Variants in GNB4 observed in about 807,000 individuals in gnomAD.
GNB4 encodes guanine nucleotide-binding protein subunit beta-4.
A neutral mutation model predicts 45.2 loss-of-function variants in GNB4; 28 were observed. The ratio of observed to expected loss-of-function variants is 0.62; its 90% CI spans 0.46 to 0.85. GNB4 has a LOEUF of 0.85. Ranked by LOEUF, GNB4 falls within the 40% of genes least tolerant of loss-of-function variation. The probability of loss-of-function intolerance (pLI) is 0.00; values close to 1 mark genes in which losing one functional copy is unlikely to be tolerated. For synonymous variants in GNB4, 132 were observed against 143.7 expected (o/e 0.92, Z 0.58); for missense variants, 321 against 425.4 (o/e 0.75, Z 2.16).
At chr3:179,459,425 G>A in the GNB4 span, among the ~76,000 whole-genome samples, 1 of 152,122 alleles carries the variant, frequency 6.6e-6, no homozygotes, top group South Asian at 2.1e-4. Flanking sequence ...CCTCACGCCT[G>A]TAATCCCAGC....
At chr3:179,519,623 G>A in the GNB4 span, among the ~76,000 whole-genome samples, 79 of 152,186 alleles carry the variant, frequency 5.2e-4, no homozygotes, top group African/African-American at 1.4e-3. Flanking sequence ...TTATTAGGCC[G>A]AGACATTTTA....
At chr3:179,426,096 T>C (rs367960056) in intron 2 of GNB4, 48 bp downstream of exon 2, 1 of 1,462,238 alleles carries the variant, frequency 6.8e-7, no homozygotes, top group East Asian at 2.3e-5. Context: ...ATTTTGTAGA[T>C]TCCTGGTACT....
At chr3:179,480,290 C>A in the GNB4 span, among the ~76,000 whole-genome samples, 1 of 152,126 alleles carries the variant, frequency 6.6e-6, no homozygotes, top group East Asian at 1.9e-4. Context: ...AGACAGCAAC[C>A]CTTTATTTTA....
intron 1 of GNB4, among the ~76,000 whole-genome samples, chr3:179,433,441 T>C (rs780551695): frequency 3.3e-5 from 5 of 151,980 alleles, no homozygotes; most frequent in Non-Finnish European, 5.9e-5. Context: ...AGATCAACTA[T>C]AAGAGCTAGC....
At chr3:179,523,251 G>A in the GNB4 span, among the ~76,000 whole-genome samples, 4 of 152,084 alleles carry the variant, frequency 2.6e-5, no homozygotes, top group African/African-American at 9.7e-5. Flanking sequence ...AAGAAATTTG[G>A]GCTTGATTGA....
chr3:179,409,785 C>T (rs1258012194), intron 8 of GNB4, among the ~76,000 whole-genome samples: 8 of 147,114 alleles, frequency 5.4e-5, no homozygotes, highest in African/African-American at 1.5e-4. Flanking sequence ...ACTCCAGCCT[C>T]GCAACAGAGC....
chr3:179,422,716 T>A (rs1715027358), intron 2 of GNB4, among the ~76,000 whole-genome samples: 2 of 152,238 alleles, frequency 1.3e-5, no homozygotes, highest in Admixed American at 1.3e-4. Flanking sequence ...ATAGCATACA[T>A]TTCTATTATA....
the GNB4 span, among the ~76,000 whole-genome samples, chr3:179,498,067 G>T: frequency 1.3e-5 from 2 of 152,112 alleles, no homozygotes; most frequent in Non-Finnish European, 2.9e-5. Flanking sequence ...AATAAAATCA[G>T]TATCTCAAAA....
At chr3:179,501,367 C>G in the GNB4 span, among the ~76,000 whole-genome samples, 1 of 150,314 alleles carries the variant, frequency 6.7e-6, no homozygotes, top group Non-Finnish European at 1.5e-5. Context: ...GGTGCTATCT[C>G]AGCTCACAGC....
In GNB4 at chr3:179,401,183, A is replaced by G; in HGVS notation, c.*30T>C. On this transcript the variant is annotated 3_prime_UTR_variant, in exon 10 of 10. Transcript: ENST00000232564. ...CTGTAGCATTGATTTCTCCAGATAT[A>G]TCAATGGAGAACAAATATGTATGAC... 1 of 1,484,916 alleles carries G rather than the reference A, an allele frequency of 6.7e-7. No homozygotes were observed. The highest frequency in any genetic ancestry group is 1.4e-5 in the African/African-American group (1 of 72,186). 92.0% of individuals were successfully genotyped at this position (1,484,916 alleles called of 1,614,324 possible).
intron 1 of GNB4, among the ~76,000 whole-genome samples, chr3:179,447,256 G>A (rs1216004347): frequency 1.3e-5 from 2 of 151,006 alleles, no homozygotes; most frequent in African/African-American, 2.4e-5. Flanking sequence ...TGACGATGGC[G>A]AGGCTGGAAG....
At chr3:179,425,591 C>T (rs962895590) in intron 2 of GNB4, among the ~76,000 whole-genome samples, 1 of 152,148 alleles carries the variant, frequency 6.6e-6, no homozygotes, top group African/African-American at 2.4e-5. Context: ...CTGCCTCAGC[C>T]TCCCAAGTAG....
intron 9 of GNB4, 98 bp from the exon 10 acceptor site, chr3:179,401,417 C>T (rs1213857710): frequency 9.4e-6 from 5 of 533,228 alleles, no homozygotes; most frequent in Non-Finnish European, 1.3e-5. Flanking sequence ...ACTATCAGTC[C>T]AGTTTTCTTG....
At chr3:179,471,562 C>T in the GNB4 span, among the ~76,000 whole-genome samples, 4 of 152,166 alleles carry the variant, frequency 2.6e-5, no homozygotes, top group African/African-American at 9.7e-5. Flanking sequence ...ACCTTACAGC[C>T]TAGGTTGTAC....
the GNB4 span, among the ~76,000 whole-genome samples, chr3:179,488,198 G>C: frequency 1.3e-5 from 2 of 152,188 alleles, no homozygotes; most frequent in Non-Finnish European, 1.5e-5. Context: ...ACCATGGACT[G>C]GTTCTGATAA....
At chr3:179,470,510 GAAAGAAAAAAATATATATATATT>G in the GNB4 span, among the ~76,000 whole-genome samples, 62 of 148,374 alleles carry the variant, frequency 4.2e-4, no homozygotes, top group African/African-American at 1.4e-3. Context: ...AAGATATAGA[GAAAGAAAAAAATATATATATATT>G]AAAGAAAAAA....
chr3:179,405,105 T>C, intron 9 of GNB4, 85 bp downstream of exon 9: 1 of 896,144 alleles, frequency 1.1e-6, no homozygotes, highest in Non-Finnish European at 1.7e-6. Context: ...AACTCCAAGA[T>C]GTCCATGGAG....
the GNB4 span, among the ~76,000 whole-genome samples, chr3:179,458,389 AAC>A: frequency 6.6e-6 from 1 of 152,210 alleles, no homozygotes; most frequent in South Asian, 2.1e-4. Context: ...TCTTTGGGAA[AAC>A]ACAGCCCTTT....
chr3:179,469,928 C>A, the GNB4 span, among the ~76,000 whole-genome samples: 1 of 152,316 alleles, frequency 6.6e-6, no homozygotes, highest in East Asian at 1.9e-4. Flanking sequence ...CTCAGTCTTA[C>A]GCAGCCATGT....
Sources: gnomAD v4.1 joint callset for allele counts (sites outside exome capture counted in the v4.1 genomes callset) on GRCh38, gnomAD v4.1.1 for gene constraint, MANE v1.5 for transcripts, NCBI Gene and HGNC (gene_info 2026-07-23, HGNC 2026-07-21) for gene names.